CSTPP1: variants seen among roughly 807,000 people sequenced by gnomAD.
The protein encoded by CSTPP1 is centriolar satellite-associated tubulin polyglutamylase complex regulator 1.
At chr11:47,105,320 C>CCT in the CSTPP1 span, among the ~76,000 whole-genome samples, 2 of 151,894 alleles carry the variant, frequency 1.3e-5, no homozygotes, top group East Asian at 3.9e-4. Context: ...TATAGGGAGA[C>CCT]CTCTCTCAAA....
At chr11:47,077,170 T>C in the CSTPP1 span, among the ~76,000 whole-genome samples, 1 of 150,578 alleles carries the variant, frequency 6.6e-6, no homozygotes, top group South Asian at 2.1e-4. Flanking sequence ...CAAACCGAAC[T>C]ATCAATCAAC....
the CSTPP1 span, among the ~76,000 whole-genome samples, chr11:47,124,187 G>A: frequency 5.2e-4 from 67 of 129,824 alleles, no homozygotes; most frequent in East Asian, 7.6e-3. Context: ...GCAGTGGTGC[G>A]ATCTCGGCTC....
chr11:46,974,857 A>AACAC, the CSTPP1 span, among the ~76,000 whole-genome samples: 2,988 of 144,112 alleles, frequency 0.021, 68 homozygotes, highest in East Asian at 0.049. Flanking sequence ...TCTATCTCAA[A>AACAC]ACACACACAC....
chr11:47,016,935 C>G, the CSTPP1 span, among the ~76,000 whole-genome samples: 3 of 149,940 alleles, frequency 2.0e-5, no homozygotes, highest in African/African-American at 7.4e-5. Context: ...CTCCGCCTCC[C>G]AGGTTCACGC....
chr11:47,081,964 G>T, the CSTPP1 span, among the ~76,000 whole-genome samples: 2 of 147,588 alleles, frequency 1.4e-5, no homozygotes, highest in African/African-American at 5.0e-5. Flanking sequence ...ACAGCAGGGT[G>T]TGGTGGCGCA....
the CSTPP1 span, among the ~76,000 whole-genome samples, chr11:46,946,067 A>C: frequency 6.6e-6 from 1 of 152,216 alleles, no homozygotes; most frequent in African/African-American, 2.4e-5. Flanking sequence ...GTAATAAATA[A>C]ATATCTTTTT....
the CSTPP1 span, chr11:46,947,939 T>C: frequency 5.6e-5 from 23 of 410,266 alleles, no homozygotes; most frequent in East Asian, 2.9e-4. Context: ...TTTTTTTTTT[T>C]CCCTTTAAAT....
At chr11:47,055,940 A>G in the CSTPP1 span, among the ~76,000 whole-genome samples, 2 of 152,350 alleles carry the variant, frequency 1.3e-5, no homozygotes, top group South Asian at 4.1e-4. Context: ...CTATGTAAAC[A>G]AAACTGGGAA....
At chr11:47,129,381 G>T in the CSTPP1 span, among the ~76,000 whole-genome samples, 1 of 152,100 alleles carries the variant, frequency 6.6e-6, no homozygotes, top group African/African-American at 2.4e-5. Flanking sequence ...CTCAATAATG[G>T]GTAGGAAACT....
At chr11:46,953,255 G>A in the CSTPP1 span, among the ~76,000 whole-genome samples, 62 of 152,094 alleles carry the variant, frequency 4.1e-4, no homozygotes, top group Admixed American at 6.6e-4. Context: ...GGCTAGATTC[G>A]TTTCAAGAAG....
chr11:47,103,925 C>T, the CSTPP1 span: 2 of 151,994 alleles, frequency 1.3e-5, no homozygotes, highest in Admixed American at 1.3e-4. Flanking sequence ...CCTTGGCCTC[C>T]CAAAGTGCTG....
the CSTPP1 span, among the ~76,000 whole-genome samples, chr11:47,076,953 A>G: frequency 2.8e-5 from 3 of 108,242 alleles, no homozygotes; most frequent in African/African-American, 1.0e-4. Flanking sequence ...AAAGAAGTAG[A>G]AAACAGGAGG....
the CSTPP1 span, among the ~76,000 whole-genome samples, chr11:47,146,221 C>T: frequency 5.9e-5 from 9 of 151,918 alleles, no homozygotes; most frequent in African/African-American, 7.2e-5. Flanking sequence ...AAAAATTAGC[C>T]GGGCATGGTG....
chr11:46,953,789 T>C, the CSTPP1 span, among the ~76,000 whole-genome samples: 1 of 152,204 alleles, frequency 6.6e-6, no homozygotes, highest in Non-Finnish European at 1.5e-5. Flanking sequence ...CTTAAGGTGA[T>C]CTTAAAACCG....
At chr11:46,981,825 CCCCATT>C in the CSTPP1 span, among the ~76,000 whole-genome samples, 1 of 151,970 alleles carries the variant, frequency 6.6e-6, no homozygotes, top group Non-Finnish European at 1.5e-5. Context: ...TTCCTCATTT[CCCCATT>C]CCCTTTGGTT....
At chr11:46,960,879 T>C in the CSTPP1 span, among the ~76,000 whole-genome samples, 3 of 151,970 alleles carry the variant, frequency 2.0e-5, no homozygotes, top group South Asian at 2.1e-4. Context: ...AAAAGATTCA[T>C]CAATTGTTGT....
the CSTPP1 span, among the ~76,000 whole-genome samples, chr11:47,124,379 C>T: frequency 2.6e-5 from 4 of 151,906 alleles, no homozygotes; most frequent in Non-Finnish European, 5.9e-5. Flanking sequence ...ACCTCAGACT[C>T]CCAAAGTGCT....
chr11:47,023,516 T>C, the CSTPP1 span: 2 of 152,218 alleles, frequency 1.3e-5, no homozygotes, highest in Non-Finnish European at 2.9e-5. Flanking sequence ...ATTCACATTG[T>C]TCTGCAACCA....
the CSTPP1 span, among the ~76,000 whole-genome samples, chr11:46,999,383 C>T: frequency 6.6e-6 from 1 of 152,132 alleles, no homozygotes; most frequent in Non-Finnish European, 1.5e-5. Flanking sequence ...ATAGCTTCTT[C>T]AAGTTCACAA....
Sources: allele counts gnomAD v4.1 joint callset (sites outside exome capture counted in the v4.1 genomes callset), GRCh38; gene constraint gnomAD v4.1.1; transcripts MANE v1.5; gene names NCBI Gene and HGNC (gene_info 2026-07-23, HGNC 2026-07-21).